Variants in KAT7 observed in about 807,000 individuals in gnomAD.
KAT7 encodes histone acetyltransferase KAT7.
KAT7 carries 10 observed loss-of-function variants against 82.1 expected under a neutral mutation model. That is an observed-to-expected ratio of 0.12 (90% CI 0.08 to 0.21). The LOEUF is 0.21. Ranked by LOEUF, KAT7 falls within the 10% of genes least tolerant of loss-of-function variation. The pLI is 1.00. For synonymous variants in KAT7, 250 were observed against 262.5 expected (o/e 0.95, Z 0.46); for missense variants, 378 against 760.9 (o/e 0.50, Z 5.92).
chr17:49,808,831 T>C (rs948413270), intron 5 of KAT7, among the ~76,000 whole-genome samples: 1 of 152,214 alleles, frequency 6.6e-6, no homozygotes, highest in African/African-American at 2.4e-5. Flanking sequence ...AATTTATTTA[T>C]TGTACTTTGA....
At chr17:49,815,679 C>G in intron 7 of KAT7, 124 bp from the exon 8 acceptor site, 1 of 643,678 alleles carries the variant, frequency 1.6e-6, no homozygotes, top group South Asian at 1.9e-5. Context: ...TCCCTAGCAC[C>G]TAGTATGTAG....
chr17:49,796,947 T>A, intron 3 of KAT7, 21 bp downstream of exon 3: 1 of 1,608,144 alleles, frequency 6.2e-7, no homozygotes, highest in Non-Finnish European at 8.5e-7. Context: ...ATGGTATGAC[T>A]TAGACCTATT....
At chr17:49,788,888 A>T (rs773836637) in intron 1 of KAT7, 39 bp downstream of exon 1, 2 of 1,552,794 alleles carry the variant, frequency 1.3e-6, no homozygotes, top group South Asian at 2.4e-5. Context: ...GTTTCTAAGG[A>T]CAGTCGATTG....
chr17:49,824,712 T>TGGG (rs2074347912), intron 12 of KAT7: 1 of 152,174 alleles, frequency 6.6e-6, no homozygotes, highest in African/African-American at 2.4e-5. Flanking sequence ...GGAAGTGACA[T>TGGG]AAGAGGGGAA....
At position 49,828,815 on chromosome 17, in the gene KAT7, T is replaced by G. The variant is rs1035063921; in HGVS notation, c.*1313T>G. 6.5e-6 allele frequency: 1 copy of G among 153,460 alleles called. No individual in the cohort carries two copies. The highest frequency in any genetic ancestry group is 1.5e-5 in the Non-Finnish European group (1 of 68,056). 9.5% of individuals were successfully genotyped at this position (153,460 alleles called of 1,614,324 possible). A position where few individuals can be genotyped will look rare whatever the true frequency, so the allele number is the denominator to read the frequency against. On this transcript the variant is annotated 3_prime_UTR_variant, in exon 15 of 15. Transcript: ENST00000259021. ...TCTCCTCCAACATGCTGTCTTCATG[T>G]GGAGCCCTCACCACAATCCCTGACT...
At chr17:49,819,313 G>T (rs2074273730) in intron 9 of KAT7, among the ~76,000 whole-genome samples, 1 of 152,146 alleles carries the variant, frequency 6.6e-6, no homozygotes, top group Non-Finnish European at 1.5e-5. Flanking sequence ...ACTGCATAGG[G>T]CTAGAGTCAT....
rs1567844174 is a variant in KAT7, at chr17:49,789,540, G to GTTCT, written c.15+691_15+692insTTCT. ...TTCTAGAATTAGAAGGCACTTAGAA[G>GTTCT]ATCACCCAGGAATGGCCCCGTCGTT... On this transcript the variant is annotated intron_variant, in intron 1 of 14. Coordinates refer to ENST00000259021, the MANE Select transcript of KAT7 (RefSeq NM_007067.5). 7.2e-5 allele frequency: 11 copies of GTTCT among 152,358 alleles called. No individual in the cohort carries two copies. In the East Asian group the frequency reaches 2.1e-3, roughly 29 times the overall value. The allele number at this position is 152,358 out of a possible 1,614,324, so 9.4% of individuals were successfully genotyped here.
intron 5 of KAT7, 54 bp downstream of exon 5, chr17:49,805,499 C>T: frequency 2.9e-6 from 4 of 1,358,654 alleles, no homozygotes; most frequent in Non-Finnish European, 3.2e-6. Context: ...TACCGTTTGC[C>T]AGGCACTTTG....
At chr17:49,791,655 G>A (rs1009997723) in intron 1 of KAT7, among the ~76,000 whole-genome samples, 4 of 152,066 alleles carry the variant, frequency 2.6e-5, no homozygotes, top group Non-Finnish European at 5.9e-5. Flanking sequence ...CGAATGAAAC[G>A]GAAGCTCTTC....
intron 11 of KAT7, among the ~76,000 whole-genome samples, chr17:49,822,564 A>G (rs896229241): frequency 1.3e-5 from 2 of 152,164 alleles, no homozygotes; most frequent in African/African-American, 4.8e-5. Flanking sequence ...TTAGTATAAC[A>G]ACTTTATTGA....
intron 3 of KAT7, among the ~76,000 whole-genome samples, chr17:49,797,280 G>A (rs1041152250): frequency 4.6e-5 from 7 of 152,028 alleles, no homozygotes; most frequent in African/African-American, 7.2e-5. Context: ...AGTCAGGATG[G>A]TCTCGATCTC....
chr17:49,816,892 G>A (rs907613720), intron 8 of KAT7, among the ~76,000 whole-genome samples: 1 of 151,870 alleles, frequency 6.6e-6, no homozygotes, highest in Non-Finnish European at 1.5e-5. Flanking sequence ...GCTCACTGCA[G>A]CCTCGACCTT....
Position 49,828,356 on chromosome 17 carries a change from G to T in KAT7, c.*854G>T, listed in dbSNP as rs901663387. 4 of 152,128 alleles carry T rather than the reference G, an allele frequency of 2.6e-5. No homozygotes were observed. The highest frequency in any genetic ancestry group is 5.9e-5 in the Non-Finnish European group (4 of 68,038). 9.4% of individuals were successfully genotyped at this position (152,128 alleles called of 1,614,324 possible). A position where few individuals can be genotyped will look rare whatever the true frequency, so the allele number is the denominator to read the frequency against. The stretch of plus-strand genomic sequence containing the variant: ...AGTAATGTCCACTTTTCCCTTTCAT[G>T]CTGCATATTAACTGGTTAATTATAC... On this transcript the variant is annotated 3_prime_UTR_variant, in exon 15 of 15. Coordinates refer to ENST00000259021, the MANE Select transcript of KAT7 (RefSeq NM_007067.5).
intron 4 of KAT7, among the ~76,000 whole-genome samples, chr17:49,801,540 A>G (rs2074024589): frequency 6.6e-6 from 1 of 152,038 alleles, no homozygotes; most frequent in Non-Finnish European, 1.5e-5. Context: ...CCTAGGCTGG[A>G]GTGCAGTGGT....
At chr17:49,805,190 A>G (rs2074076289) in intron 4 of KAT7, among the ~76,000 whole-genome samples, 173 bp from the exon 5 acceptor site, 1 of 152,252 alleles carries the variant, frequency 6.6e-6, no homozygotes, top group Admixed American at 6.5e-5. Flanking sequence ...CCTGTGGAAG[A>G]AAAGAATGAG....
chr17:49,817,186 G>A (rs537311892), intron 8 of KAT7, among the ~76,000 whole-genome samples: 1 of 152,204 alleles, frequency 6.6e-6, no homozygotes, highest in African/African-American at 2.4e-5. Context: ...ATAAGGGTGG[G>A]GAGTTTGTAT....
chr17:49,802,839 C>T (rs1490073140), intron 4 of KAT7, among the ~76,000 whole-genome samples: 1 of 152,112 alleles, frequency 6.6e-6, no homozygotes, highest in Non-Finnish European at 1.5e-5. Flanking sequence ...GATCCTGGCA[C>T]CTCAGCCTTC....
chr17:49,791,590 G>A (rs879896910), intron 1 of KAT7, among the ~76,000 whole-genome samples: 14 of 152,290 alleles, frequency 9.2e-5, no homozygotes, highest in Middle Eastern at 3.4e-3. Context: ...CCCGGGAGGC[G>A]GAGGTTGCAG....
intron 9 of KAT7, 53 bp from the exon 10 acceptor site, chr17:49,821,284 G>A: frequency 1.5e-6 from 2 of 1,320,242 alleles, no homozygotes; most frequent in Non-Finnish European, 2.2e-6. Flanking sequence ...CTTTTGAGGA[G>A]CAGTCTTGTT....
Sources: allele counts gnomAD v4.1 joint callset (sites outside exome capture counted in the v4.1 genomes callset), GRCh38; gene constraint gnomAD v4.1.1; transcripts MANE v1.5; gene names NCBI Gene and HGNC (gene_info 2026-07-23, HGNC 2026-07-21).